The following MTUS1 variants were observed in gnomAD, a reference collection of about 807,000 sequenced individuals.
The protein encoded by MTUS1 is microtubule associated scaffold protein 1.
A neutral mutation model predicts 120.8 loss-of-function variants in MTUS1; 109 were observed. That is an observed-to-expected ratio of 0.90 (90% CI 0.77 to 1.06). The LOEUF (loss-of-function observed/expected upper bound fraction) is 1.06. MTUS1 is among the 50% of genes least tolerant of loss of function. The pLI is 0.00. For missense variants in MTUS1, 2,210 were observed against 1,486.3 expected (o/e 1.49, Z -8.01); for synonymous variants, 737 against 550.5 (o/e 1.34, Z -4.74).
chr8:17,717,479 T>C (rs1429879739), intron 4 of MTUS1, among the ~76,000 whole-genome samples: 1 of 152,266 alleles, frequency 6.6e-6, no homozygotes, highest in African/African-American at 2.4e-5. Context: ...CATGGAATTA[T>C]AACAATCTGG....
chr8:17,723,867 GC>G, intron 3 of MTUS1, 34 bp from the exon 4 acceptor site: 2 of 1,506,876 alleles, frequency 1.3e-6, no homozygotes, highest in Non-Finnish European at 1.8e-6. Flanking sequence ...AGTTTCCAGT[GC>G]TATTCATCCC....
chr8:17,758,062 T>C (rs181506535), intron 1 of MTUS1: 13 of 152,232 alleles, frequency 8.5e-5, no homozygotes, highest in Non-Finnish European at 1.6e-4. Flanking sequence ...CAATCCGATG[T>C]CACAGTACTG....
chr8:17,668,979 C>T lies in MTUS1; in HGVS notation c.2905+6207G>A, dbSNP rs17125046. Reference sequence around the variant, plus strand: ...TATTTTAAGAAGAAAACTACCTTTCCCTAGCTACCACTGTTGGTAATAAAA... The same window carrying T: ...TATTTTAAGAAGAAAACTACCTTTCTCTAGCTACCACTGTTGGTAATAAAA... On this transcript the variant is annotated intron_variant, in intron 8 of 14. Transcript: ENST00000693296. 1.8e-3 allele frequency among the ~76,000 whole-genome samples: 271 copies of T among 152,258 alleles called. 1 individual carries two copies. The highest frequency in any genetic ancestry group is 5.6e-3 in the African/African-American group (233 of 41,546).
intron 1 of MTUS1, among the ~76,000 whole-genome samples, chr8:17,790,459 T>C (rs1292902877): frequency 1.3e-5 from 2 of 152,174 alleles, no homozygotes; most frequent in African/African-American, 2.4e-5. Context: ...ATTCAAATGA[T>C]TGTTTCTATA....
chr8:17,781,179 G>A (rs1287585352), intron 1 of MTUS1, among the ~76,000 whole-genome samples: 1 of 152,094 alleles, frequency 6.6e-6, no homozygotes, highest in Non-Finnish European at 1.5e-5. Flanking sequence ...ATGGAACAAA[G>A]GAGTCTCTAA....
intron 7 of MTUS1, among the ~76,000 whole-genome samples, chr8:17,683,686 GT>G (rs1328442059): frequency 6.6e-6 from 1 of 151,952 alleles, no homozygotes; most frequent in Non-Finnish European, 1.5e-5. Context: ...ATTCTTATCA[GT>G]TGCCCCCTGA....
chr8:17,775,299 T>G (rs755618608), intron 1 of MTUS1, among the ~76,000 whole-genome samples: 30 of 152,244 alleles, frequency 2.0e-4, no homozygotes, highest in Non-Finnish European at 3.7e-4. Flanking sequence ...CACCACAAAT[T>G]AGAAGAGTCA....
Position 17,797,801 on chromosome 8 carries a change from G to A in MTUS1, c.-155+3260C>T, listed in dbSNP as rs141029217. On this transcript the variant is annotated intron_variant, in intron 1 of 14. Coordinates refer to ENST00000693296, the MANE Select transcript of MTUS1 (RefSeq NM_001363059.2). ...TCGCTTACTCTTACGCTCTAAGCTTGGGGAATAAAAGGGACTCAGGCTCTC... is the reference window on the plus strand; with the variant it reads ...TCGCTTACTCTTACGCTCTAAGCTTAGGGAATAAAAGGGACTCAGGCTCTC... 1.4e-4 allele frequency among the ~76,000 whole-genome samples: 21 copies of A among 152,240 alleles called. No individual in the cohort carries two copies. In the East Asian group the frequency reaches 3.9e-3, roughly 28 times the overall value.
intron 8 of MTUS1, among the ~76,000 whole-genome samples, chr8:17,662,926 G>T (rs117276630): frequency 6.6e-6 from 1 of 152,034 alleles, no homozygotes; most frequent in East Asian, 1.9e-4. Flanking sequence ...GCAAACTCAT[G>T]TACAAAAACA....
intron 1 of MTUS1, among the ~76,000 whole-genome samples, chr8:17,788,290 G>A (rs754896028): frequency 1.4e-4 from 21 of 152,168 alleles, no homozygotes; most frequent in Admixed American, 6.5e-4. Flanking sequence ...AGATCATGTG[G>A]TAGTGAACAG....
intron 6 of MTUS1, 125 bp from the exon 7 acceptor site, chr8:17,684,667 T>C (rs1815378138): frequency 1.4e-6 from 1 of 722,732 alleles, no homozygotes; most frequent in South Asian, 1.6e-5. Flanking sequence ...CTGTAAGGAA[T>C]GCATATGGAT....
intron 8 of MTUS1, among the ~76,000 whole-genome samples, chr8:17,669,174 G>C (rs1811501625): frequency 6.6e-6 from 1 of 152,192 alleles, no homozygotes; most frequent in Non-Finnish European, 1.5e-5. Context: ...TGTGTACAGG[G>C]TGCTTTGAAA....
chr8:17,695,344 A>C (rs1272050490), intron 6 of MTUS1, among the ~76,000 whole-genome samples: 2 of 152,230 alleles, frequency 1.3e-5, no homozygotes, highest in African/African-American at 4.8e-5. Context: ...TAGAAGTCCC[A>C]GGTTTTAGTC....
chr8:17,797,202 C>T (rs114890951), intron 1 of MTUS1, among the ~76,000 whole-genome samples: 3,050 of 151,758 alleles, frequency 0.02, 114 homozygotes, highest in African/African-American at 0.071. Flanking sequence ...TGCTTGAGCC[C>T]AGCAGTTCAA....
At position 17,645,913 on chromosome 8, in the gene MTUS1, C is replaced by T; in HGVS notation, c.*13G>A. 6.2e-7 allele frequency: 1 copy of T among 1,606,710 alleles called. No homozygotes were observed. Among genetic ancestry groups the T allele is most frequent in the Non-Finnish European group, 8.5e-7 (1 of 1,177,582 alleles). On this transcript the variant is annotated 3_prime_UTR_variant, in exon 15 of 15. Transcript: ENST00000693296. ...AAAATGCTTTCAGAGAGTCTGTGGA[C>T]TTTGGGGAGGTGTCATCTGGGTGAA...
At chr8:17,698,294 G>C (rs1451943270) in intron 6 of MTUS1, among the ~76,000 whole-genome samples, 1 of 152,176 alleles carries the variant, frequency 6.6e-6, no homozygotes, top group African/African-American at 2.4e-5. Context: ...AGGAGTGTGA[G>C]GAGGGCACAG....
intron 5 of MTUS1, among the ~76,000 whole-genome samples, chr8:17,715,440 C>G (rs546406973): frequency 4.6e-5 from 7 of 152,216 alleles, no homozygotes; most frequent in African/African-American, 1.7e-4. Flanking sequence ...AACATCTACC[C>G]TGATGAAAAG....
intron 6 of MTUS1, chr8:17,705,641 T>A (rs1820010106): frequency 6.6e-6 from 1 of 152,224 alleles, no homozygotes; most frequent in Admixed American, 6.5e-5. Flanking sequence ...CTCTCTACTC[T>A]CACCAGAAGA....
At chr8:17,693,434 A>C (rs929836750) in intron 6 of MTUS1, 2 of 152,128 alleles carry the variant, frequency 1.3e-5, no homozygotes, top group Non-Finnish European at 2.9e-5. Context: ...CCCAGTAATA[A>C]TATATCAGAG....
Sources: gnomAD v4.1 joint callset for allele counts (sites outside exome capture counted in the v4.1 genomes callset) on GRCh38, gnomAD v4.1.1 for gene constraint, MANE v1.5 for transcripts, NCBI Gene and HGNC (gene_info 2026-07-23, HGNC 2026-07-21) for gene names.